The following SOX6 variants were observed in gnomAD, a reference collection of about 807,000 sequenced individuals.
SOX6 encodes SRY-box transcription factor 6.
Under a neutral mutation model 97.8 loss-of-function variants are expected in SOX6, and 11 were observed. The ratio of observed to expected loss-of-function variants is 0.11; its 90% CI spans 0.07 to 0.19. SOX6 has a LOEUF of 0.19. SOX6 is among the 10% of genes least tolerant of loss of function. The pLI is 1.00. For synonymous variants in SOX6, 360 were observed against 371.4 expected (o/e 0.97, Z 0.35); for missense variants, 810 against 1,039.5 (o/e 0.78, Z 3.04).
chr11:16,058,312 T>G (rs1847867758), intron 9 of SOX6, among the ~76,000 whole-genome samples: 1 of 151,822 alleles, frequency 6.6e-6, no homozygotes, highest in African/African-American at 2.4e-5. Flanking sequence ...ACAATATTAA[T>G]TATAGATTTG....
intron 4 of SOX6, among the ~76,000 whole-genome samples, chr11:16,507,672 C>A (rs1009659035): frequency 3.3e-5 from 5 of 152,206 alleles, no homozygotes; most frequent in East Asian, 3.9e-4. Flanking sequence ...GGAAAAGACA[C>A]CCTCTTCTAG....
chr11:16,446,293 C>A (rs1428147759), intron 1 of SOX6, among the ~76,000 whole-genome samples: 1 of 151,686 alleles, frequency 6.6e-6, no homozygotes, highest in Non-Finnish European at 1.5e-5. Context: ...AAGAAAGAGA[C>A]AGAAAGTAGG....
At chr11:16,189,224 C>T (rs1321357961) in intron 4 of SOX6, among the ~76,000 whole-genome samples, 1 of 152,092 alleles carries the variant, frequency 6.6e-6, no homozygotes, top group Non-Finnish European at 1.5e-5. Flanking sequence ...GAAAAAGCAA[C>T]AAATTAACAG....
chr11:16,679,512 A>G (rs1564867130), intron 3 of SOX6, among the ~76,000 whole-genome samples: 1 of 152,206 alleles, frequency 6.6e-6, no homozygotes, highest in Non-Finnish European at 1.5e-5. Flanking sequence ...GTGGGGAGAA[A>G]CCAGAGCAGA....
intron 4 of SOX6, among the ~76,000 whole-genome samples, chr11:16,515,482 T>TTTTTG: frequency 1.7e-5 from 2 of 117,584 alleles, no homozygotes; most frequent in Admixed American, 1.9e-4. Flanking sequence ...GAAAATTTTC[T>TTTTTG]CCCATTTTGT....
At chr11:16,545,807 C>T (rs1010002240) in intron 4 of SOX6, among the ~76,000 whole-genome samples, 12 of 152,040 alleles carry the variant, frequency 7.9e-5, no homozygotes, top group Non-Finnish European at 1.6e-4. Context: ...AAAAGATTAG[C>T]CAAGTGTGAT....
intron 3 of SOX6, among the ~76,000 whole-genome samples, chr11:16,690,012 C>T (rs1418817620): frequency 6.6e-6 from 1 of 151,908 alleles, no homozygotes; most frequent in East Asian, 1.9e-4. Context: ...GCAACCTCCG[C>T]CTCTCGGGTT....
chr11:16,399,906 G>C (rs756624744), intron 1 of SOX6, among the ~76,000 whole-genome samples: 4 of 151,414 alleles, frequency 2.6e-5, no homozygotes, highest in Non-Finnish European at 5.9e-5. Context: ...CATGTTCAAA[G>C]GGAGAAAATG....
chr11:16,161,626 ACTC>A (rs1392809018), intron 6 of SOX6, among the ~76,000 whole-genome samples: 5 of 151,798 alleles, frequency 3.3e-5, no homozygotes, highest in Non-Finnish European at 2.9e-5. Flanking sequence ...GCGCCACAAA[ACTC>A]CTGCTGAGAC....
intron 4 of SOX6, chr11:16,484,271 C>T (rs1339683202): frequency 3.6e-6 from 4 of 1,107,896 alleles, no homozygotes; most frequent in Non-Finnish European, 4.2e-6. Flanking sequence ...GTTGGTGTCA[C>T]TGGGAACCAC....
At chr11:16,194,620 C>T (rs569700305) in intron 4 of SOX6, among the ~76,000 whole-genome samples, 9 of 152,220 alleles carry the variant, frequency 5.9e-5, no homozygotes, top group African/African-American at 2.2e-4. Context: ...ACTAACAAGG[C>T]AAAAATACCC....
At chr11:16,570,414 T>A (rs1352151908) in intron 4 of SOX6, among the ~76,000 whole-genome samples, 2 of 152,202 alleles carry the variant, frequency 1.3e-5, no homozygotes, top group East Asian at 3.8e-4. Context: ...AAACTTGTAT[T>A]TAAAAAGAAA....
intron 13 of SOX6, among the ~76,000 whole-genome samples, chr11:15,996,859 AAGTT>A (rs1340382590): frequency 6.6e-6 from 1 of 152,180 alleles, no homozygotes; most frequent in Non-Finnish European, 1.5e-5. Context: ...ATCTAATTAA[AAGTT>A]AGTGATTTCT....
At chr11:16,345,683 C>T (rs1480531403) in intron 1 of SOX6, among the ~76,000 whole-genome samples, 2 of 152,002 alleles carry the variant, frequency 1.3e-5, no homozygotes, top group African/African-American at 4.8e-5. Flanking sequence ...GATATGTGCA[C>T]ATTAAGTCTT....
chr11:16,558,171 A>G (rs886384517), intron 4 of SOX6, among the ~76,000 whole-genome samples: 1 of 151,982 alleles, frequency 6.6e-6, no homozygotes, highest in Non-Finnish European at 1.5e-5. Flanking sequence ...AATAGTGGTC[A>G]TAGTAGGACT....
intron 3 of SOX6, among the ~76,000 whole-genome samples, chr11:16,625,105 T>G (rs1590017628): frequency 6.6e-6 from 1 of 152,310 alleles, no homozygotes; most frequent in African/African-American, 2.4e-5. Flanking sequence ...TGTATTTTGA[T>G]GAGTAGATGT....
chr11:15,979,034 A>C (rs1853585124), intron 15 of SOX6, among the ~76,000 whole-genome samples: 1 of 85,268 alleles, frequency 1.2e-5, no homozygotes, highest in African/African-American at 4.7e-5. Context: ...TATTTTATAT[A>C]TATTTTACAT....
intron 2 of SOX6, among the ~76,000 whole-genome samples, chr11:16,329,060 T>C (rs1009476572): frequency 6.6e-5 from 10 of 152,266 alleles, no homozygotes; most frequent in Admixed American, 2.0e-4. Context: ...ATTCTCAAAA[T>C]TGAAATAACA....
chr11:16,048,383 A>C (rs1173529824), intron 11 of SOX6, among the ~76,000 whole-genome samples: 1 of 152,230 alleles, frequency 6.6e-6, no homozygotes, highest in African/African-American at 2.4e-5. Flanking sequence ...AAATTCATTG[A>C]GGAAGATTAA....
Sources: allele counts gnomAD v4.1 joint callset (sites outside exome capture counted in the v4.1 genomes callset), GRCh38; gene constraint gnomAD v4.1.1; transcripts MANE v1.5; gene names NCBI Gene and HGNC (gene_info 2026-07-23, HGNC 2026-07-21).